The following PLCE1 variants were observed in gnomAD, a reference collection of about 807,000 sequenced individuals.
PLCE1 encodes phospholipase C epsilon 1, also known as 1-phosphatidylinositol 4,5-bisphosphate phosphodiesterase epsilon-1.
In PLCE1, 119 loss-of-function variants were observed where a neutral mutation model predicts 242.8. The observed-to-expected ratio is 0.49, with a 90% CI of 0.42 to 0.57. The LOEUF (loss-of-function observed/expected upper bound fraction) is 0.57, where lower values mean the gene tolerates loss of function less well. PLCE1 is among the 20% of genes least tolerant of loss of function. The pLI is 0.00. For missense variants in PLCE1, 2,441 were observed against 2,788.8 expected (o/e 0.88, Z 2.81); for synonymous variants, 945 against 1,017.4 (o/e 0.93, Z 1.35).
At chr10:94,011,848 T>C (rs1403118205) in intron 1 of PLCE1, among the ~76,000 whole-genome samples, 1 of 152,146 alleles carries the variant, frequency 6.6e-6, no homozygotes, top group Admixed American at 6.5e-5. Context: ...TACTCTCTCT[T>C]CTTTCCCTCT....
chr10:94,059,866 A>C (rs1386879105), intron 2 of PLCE1, among the ~76,000 whole-genome samples: 1 of 152,196 alleles, frequency 6.6e-6, no homozygotes, highest in Non-Finnish European at 1.5e-5. Context: ...TTTCAACCCA[A>C]GCACTTGGTG....
intron 4 of PLCE1, among the ~76,000 whole-genome samples, chr10:94,200,450 GA>G (rs2048955907): frequency 1.3e-5 from 2 of 152,050 alleles, no homozygotes; most frequent in Non-Finnish European, 2.9e-5. Flanking sequence ...CAAAGTAAAG[GA>G]AAAATATATT....
chr10:94,129,801 G>A (rs964170994), intron 2 of PLCE1, among the ~76,000 whole-genome samples: 2 of 152,080 alleles, frequency 1.3e-5, no homozygotes, highest in Non-Finnish European at 2.9e-5. Flanking sequence ...AAGCATCAAG[G>A]GGTGCCCTCC....
chr10:94,295,168 A>C (rs2052771116), intron 23 of PLCE1, among the ~76,000 whole-genome samples: 1 of 151,838 alleles, frequency 6.6e-6, no homozygotes, highest in Non-Finnish European at 1.5e-5. Context: ...TGCCTACCTC[A>C]GCCTTCCAAA....
intron 29 of PLCE1, among the ~76,000 whole-genome samples, chr10:94,319,864 C>CCT (rs1215283955): frequency 5.4e-5 from 5 of 92,938 alleles, no homozygotes; most frequent in African/African-American, 1.5e-4. Flanking sequence ...CAAAGGTGCT[C>CCT]TTTTTTTTTT....
rs916696609 is a variant in PLCE1 at position 94,306,200 on chromosome 10, G to A, written c.5623-227G>A. ...TTGGCCAGGATGGTCTCAATCTCCT[G>A]ACCTCGTGATCTGCTCACCTCAGCC... is the stretch of plus-strand genomic sequence containing the variant. On this transcript the variant is annotated intron_variant, in intron 25 of 32. Coordinates refer to ENST00000371380, the MANE Select transcript of PLCE1 (RefSeq NM_016341.4). The surrounding 1 kb of genome is among the most constrained non-coding windows in gnomAD (Gnocchi z 5.7). 6.6e-6 allele frequency among the ~76,000 whole-genome samples: 1 copy of A among 152,114 alleles called. No homozygotes were observed. The highest frequency in any genetic ancestry group is 1.5e-5 in the Non-Finnish European group (1 of 68,024).
At chr10:94,276,597 A>G (rs986082740) in intron 19 of PLCE1, among the ~76,000 whole-genome samples, 32 of 152,288 alleles carry the variant, frequency 2.1e-4, no homozygotes, top group African/African-American at 7.7e-4. Context: ...AAGTTTGAGA[A>G]ACACTATTTA....
At chr10:94,226,831 C>CTCTTTTTTTTTT (rs67656949) in intron 4 of PLCE1, among the ~76,000 whole-genome samples, 2 of 101,818 alleles carry the variant, frequency 2.0e-5, no homozygotes, top group African/African-American at 3.9e-5. Flanking sequence ...ACCTATAGGT[C>CTCTTTTTTTTTT]TTTTTTTTTT....
At chr10:93,997,910 C>T (rs1589830334) in intron 1 of PLCE1, among the ~76,000 whole-genome samples, 1 of 152,124 alleles carries the variant, frequency 6.6e-6, no homozygotes, top group African/African-American at 2.4e-5. Context: ...ATGTTGAAAT[C>T]TTTGGCATGT....
intron 4 of PLCE1, among the ~76,000 whole-genome samples, chr10:94,191,004 C>A (rs538134184): frequency 2.0e-5 from 3 of 152,126 alleles, no homozygotes; most frequent in African/African-American, 4.8e-5. Flanking sequence ...ATAAAAGGAT[C>A]CAGTGAGAAG....
chr10:94,328,324 G>A lies in PLCE1; in HGVS notation c.*381G>A. On this transcript the variant is annotated 3_prime_UTR_variant, in exon 33 of 33. Coordinates refer to ENST00000371380, the MANE Select transcript of PLCE1 (RefSeq NM_016341.4). The stretch of plus-strand genomic sequence containing the variant: ...ATTCTGCCATTGTAGTGCAAAAGCA[G>A]CCATAGACAACACATACATGAACGA... The A allele has an allele frequency of 5.4e-6, 1 of 184,750 alleles. No individual in the cohort carries two copies. Among genetic ancestry groups the A allele is most frequent in the Non-Finnish European group, 1.2e-5 (1 of 85,780 alleles). The allele number at this position is 184,750 out of a possible 1,614,324, so 11.4% of individuals were successfully genotyped here. A position where few individuals can be genotyped will look rare whatever the true frequency, so the allele number is the denominator to read the frequency against.
chr10:94,106,584 A>G (rs1253730863), intron 2 of PLCE1, among the ~76,000 whole-genome samples: 1 of 152,198 alleles, frequency 6.6e-6, no homozygotes, highest in South Asian at 2.1e-4. Flanking sequence ...GTCTTGGGGT[A>G]TACACACTTA....
chr10:94,217,718 C>G (rs933151771), intron 4 of PLCE1, among the ~76,000 whole-genome samples: 1 of 152,178 alleles, frequency 6.6e-6, no homozygotes, highest in Non-Finnish European at 1.5e-5. Flanking sequence ...GTAAATAACT[C>G]TAGTGAACTT....
At chr10:94,310,735 C>T (rs887765884) in intron 27 of PLCE1, among the ~76,000 whole-genome samples, 7 of 152,170 alleles carry the variant, frequency 4.6e-5, no homozygotes, top group Non-Finnish European at 7.4e-5. Flanking sequence ...TTTTTACTCA[C>T]GACACTTCTG....
intron 1 of PLCE1, among the ~76,000 whole-genome samples, chr10:94,006,618 A>T (rs112989787): frequency 0.016 from 2,391 of 152,242 alleles, 50 homozygotes; most frequent in African/African-American, 0.045. Flanking sequence ...TGTTTTTTTT[A>T]AAATTTACTT....
chr10:94,204,192 C>T (rs2049069698), intron 4 of PLCE1, among the ~76,000 whole-genome samples: 1 of 152,096 alleles, frequency 6.6e-6, no homozygotes, highest in African/African-American at 2.4e-5. Context: ...GGCAGAGGTT[C>T]CTGGCAGCCT....
intron 4 of PLCE1, among the ~76,000 whole-genome samples, chr10:94,189,782 G>A (rs1025626601): frequency 5.9e-5 from 9 of 152,190 alleles, no homozygotes; most frequent in African/African-American, 1.4e-4. Flanking sequence ...CTTTCCAAGC[G>A]TGGCTTTCGG....
At chr10:94,295,452 A>G (rs1360917187) in intron 23 of PLCE1, among the ~76,000 whole-genome samples, 1 of 152,178 alleles carries the variant, frequency 6.6e-6, no homozygotes, top group Non-Finnish European at 1.5e-5. Flanking sequence ...TCTGCAGGCT[A>G]TACTTCTAGT....
intron 5 of PLCE1, among the ~76,000 whole-genome samples, chr10:94,233,216 C>T (rs911804968): frequency 3.3e-5 from 5 of 152,198 alleles, no homozygotes; most frequent in African/African-American, 4.8e-5. Context: ...ACTTAACATC[C>T]TGTAATGCAA....
Sources: allele counts gnomAD v4.1 joint callset (sites outside exome capture counted in the v4.1 genomes callset), GRCh38; gene constraint gnomAD v4.1.1; non-coding constraint Gnocchi (gnomAD v3.1); transcripts MANE v1.5; gene names NCBI Gene and HGNC (gene_info 2026-07-23, HGNC 2026-07-21).